Variants in PCDHGB6 observed in about 807,000 individuals in gnomAD.
PCDHGB6 encodes protocadherin gamma-B6.
In PCDHGB6, 51 loss-of-function variants were observed where a neutral mutation model predicts 59.1. The observed-to-expected ratio is 0.86, with a 90% CI of 0.69 to 1.09. PCDHGB6 has a LOEUF of 1.09. Among genes scored for constraint, PCDHGB6 ranks in the 50% least tolerant of loss-of-function variants. The probability of loss-of-function intolerance (pLI) is 0.00; values close to 1 mark genes in which losing one functional copy is unlikely to be tolerated. For missense variants in PCDHGB6, 1,148 were observed against 1,205.1 expected (o/e 0.95, Z 0.70); for synonymous variants, 466 against 495.1 (o/e 0.94, Z 0.78).
chr5:141,510,944 C>T lies in PCDHGB6; in HGVS notation c.2567-3C>T, dbSNP rs772921698. 2 of 1,614,120 alleles carry T rather than the reference C, an allele frequency of 1.2e-6. No individual in the cohort carries two copies. Among genetic ancestry groups the T allele is most frequent in the South Asian group, 2.2e-5 (2 of 91,080 alleles). On this transcript the variant is annotated splice_region_variant and splice_polypyrimidine_tract_variant and intron_variant, in intron 3 of 3. Transcript: ENST00000520790. Reference sequence around the variant, plus strand: ...CCCACCTGATCTTCCTCTGTCTCTGCAGAAGCTGCTGATGGGAGCTCCACC... The same window carrying T: ...CCCACCTGATCTTCCTCTGTCTCTGTAGAAGCTGCTGATGGGAGCTCCACC...
chr5:141,431,709 T>C lies in PCDHGB6; in HGVS notation c.2418+21089T>C. On this transcript the variant is annotated intron_variant, in intron 1 of 3. Coordinates refer to ENST00000520790, the MANE Select transcript of PCDHGB6 (RefSeq NM_018926.3). This position sits in a 1 kb window ranked among gnomAD's most constrained non-coding sequence, Gnocchi z 4.8. ...CACGAGGAGTCAGGATTCTACCAGA[T>C]GGAAGTGCAAGCAATGGATAATGCA... The C allele has an allele frequency of 6.2e-7, 1 of 1,614,168 alleles. No individual in the cohort carries two copies. Among genetic ancestry groups the C allele is most frequent in the Non-Finnish European group, 8.5e-7 (1 of 1,180,018 alleles).
chr5:141,463,125 G>A (rs2099053159), intron 1 of PCDHGB6, among the ~76,000 whole-genome samples: 3 of 152,192 alleles, frequency 2.0e-5, no homozygotes, highest in East Asian at 1.9e-4. Context: ...ATAGCTCCCT[G>A]GCAGTTCTTC....
At chr5:141,423,084 G>C (rs1427825232) in intron 1 of PCDHGB6, 2 of 1,613,942 alleles carry the variant, frequency 1.2e-6, no homozygotes, top group Non-Finnish European at 1.7e-6. Flanking sequence ...GACTCTTCGC[G>C]GTGGGGGAGC....
chr5:141,444,965 A>C (rs561160996), intron 1 of PCDHGB6, among the ~76,000 whole-genome samples: 18 of 152,234 alleles, frequency 1.2e-4, no homozygotes, highest in South Asian at 6.2e-4. Context: ...CAATATTGAC[A>C]CTTCAAATCC....
rs779871354 is a variant in PCDHGB6 at position 141,428,131 on chromosome 5, G to A, written c.2418+17511G>A. 8.7e-6 allele frequency: 14 copies of A among 1,602,720 alleles called. No homozygotes were observed. The South Asian group carries it at 1.5e-4, about 18-fold the overall frequency. On this transcript the variant is annotated intron_variant, in intron 1 of 3. Transcript: ENST00000520790. ...CAGGCCATCGAGCCCGGGCTTTTCA[G>A]CCTGGGGCTGCACACGGGAACCTGC...
At chr5:141,505,552 T>C (rs920594597) in intron 3 of PCDHGB6, 71 bp downstream of exon 3, 8 of 1,608,230 alleles carry the variant, frequency 5.0e-6, no homozygotes, top group Non-Finnish European at 6.8e-6. Context: ...ACAGCCACCA[T>C]GCCCACGGAC....
At chr5:141,449,202 C>T (rs77980623) in intron 1 of PCDHGB6, among the ~76,000 whole-genome samples, 7,411 of 152,148 alleles carry the variant, frequency 0.049, 284 homozygotes, top group African/African-American at 0.1. Context: ...AGTGTTAATT[C>T]TAACTTTCTG....
rs1562137828 is a variant in PCDHGB6 at position 141,490,359 on chromosome 5, T to C, written c.2419-4448T>C. On this transcript the variant is annotated intron_variant, in intron 1 of 3. Transcript: ENST00000520790. This position sits in a 1 kb window ranked among gnomAD's most constrained non-coding sequence, Gnocchi z 5.4. ...TGGGCACAGTAGTGGGGTTGTTTAA[T>C]GTGCGAGACCGGGACTCAGGTAGAA... The C allele has an allele frequency of 1.9e-6, 3 of 1,614,212 alleles. No individual in the cohort carries two copies. The highest frequency in any genetic ancestry group is 2.5e-6 in the Non-Finnish European group (3 of 1,180,036).
intron 1 of PCDHGB6, chr5:141,414,951 G>A (rs1411406878): frequency 5.6e-6 from 9 of 1,614,092 alleles, no homozygotes; most frequent in Non-Finnish European, 7.6e-6. Flanking sequence ...GCTACCTGGT[G>A]ACCAAGGTGG....
At position 141,511,424 on chromosome 5, in the gene PCDHGB6, G is replaced by A. The variant is rs939906846; in HGVS notation, c.*251G>A. 10 of 810,392 alleles carry A rather than the reference G, an allele frequency of 1.2e-5. No homozygotes were observed. Among genetic ancestry groups the A allele is most frequent in the East Asian group, 3.0e-5 (1 of 33,800 alleles). The allele number at this position is 810,392 out of a possible 1,614,324, so 50.2% of individuals were successfully genotyped here. On this transcript the variant is annotated 3_prime_UTR_variant, in exon 4 of 4. Transcript: ENST00000520790. The stretch of plus-strand genomic sequence containing the variant: ...ATCAACTGCTGTACCCATGGGGGTA[G>A]TGGGGTTACTGTAGACACCAAGAAC...
Position 141,408,588 on chromosome 5 carries a change from A to G in PCDHGB6, c.386A>G (p.His129Arg). 1 of 1,614,042 alleles carries G rather than the reference A, an allele frequency of 6.2e-7. No homozygotes were observed. The highest frequency in any genetic ancestry group is 8.5e-7 in the Non-Finnish European group (1 of 1,179,896). ...GTGGTGATTGAGGATGTTAATGACC[A>G]CGCCCCTCAATTTGATAAAAAGGAA... ...VIVVIEDVND[H>R]APQFDKKEIH... Residue 129 changes from histidine (H) to arginine (R), a missense_variant, in exon 1 of 4, where the codon CAC becomes CGC. Coordinates refer to ENST00000520790, the MANE Select transcript of PCDHGB6 (RefSeq NM_018926.3).
rs1333951046 is a variant in PCDHGB6, at chr5:141,485,847, C to T, written c.2419-8960C>T. 10 of 1,614,092 alleles carry T rather than the reference C, an allele frequency of 6.2e-6. No individual in the cohort carries two copies. In the African/African-American group the frequency reaches 8.0e-5, roughly 13 times the overall value. On this transcript the variant is annotated intron_variant, in intron 1 of 3. Transcript: ENST00000520790. This position sits in a 1 kb window ranked among gnomAD's most constrained non-coding sequence, Gnocchi z 5.7. ...GGAGGGAACCCGCCGAGATCTGGCA[C>T]CGCAGAGCTCCGGGTATCCGTGCTG...
At position 141,477,550 on chromosome 5, in the gene PCDHGB6, C is replaced by T. The variant is rs1262360790; in HGVS notation, c.2419-17257C>T. The T allele has an allele frequency of 4.3e-6, 7 of 1,614,178 alleles. No homozygotes were observed. The highest frequency in any genetic ancestry group is 5.9e-6 in the Non-Finnish European group (7 of 1,180,036). On this transcript the variant is annotated intron_variant, in intron 1 of 3. Transcript: ENST00000520790. This position sits in a 1 kb window ranked among gnomAD's most constrained non-coding sequence, Gnocchi z 4.9. ...ACCTCCCCGGGGCTCCAATACTAAACCTAAGTGTCTGGGACCCCGACGCCC... is the reference window on the plus strand; with the variant it reads ...ACCTCCCCGGGGCTCCAATACTAAATCTAAGTGTCTGGGACCCCGACGCCC...
chr5:141,432,863 T>C lies in PCDHGB6; in HGVS notation c.2418+22243T>C, dbSNP rs762979829. On this transcript the variant is annotated intron_variant, in intron 1 of 3. Coordinates refer to ENST00000520790, the MANE Select transcript of PCDHGB6 (RefSeq NM_018926.3). This position sits in a 1 kb window ranked among gnomAD's most constrained non-coding sequence, Gnocchi z 6.0. ...GGTGGTAGCGGTGGCCGCGGTCTCCTGCGTCTTCCTGGCCTTCGTCATCTT... is the reference window on the plus strand; with the variant it reads ...GGTGGTAGCGGTGGCCGCGGTCTCCCGCGTCTTCCTGGCCTTCGTCATCTT... 20 of 1,614,192 alleles carry C rather than the reference T, an allele frequency of 1.2e-5. No individual in the cohort carries two copies. Among genetic ancestry groups the C allele is most frequent in the Admixed American group, 6.7e-5 (4 of 60,032 alleles).
chr5:141,428,731 A>G (rs1290064919), intron 1 of PCDHGB6: 1 of 159,494 alleles, frequency 6.3e-6, no homozygotes, highest in Non-Finnish European at 1.4e-5. Context: ...TCTTAAACAT[A>G]TTATATCTAC....
At chr5:141,484,863 G>T (rs561595169) in intron 1 of PCDHGB6, 136 of 273,782 alleles carry the variant, frequency 5.0e-4, no homozygotes, top group African/African-American at 2.8e-3. Context: ...GGGGGTGGGG[G>T]AGCGTGGAGG....
Position 141,408,922 on chromosome 5 carries a change from G to A in PCDHGB6, c.720G>A (p.Pro240=), listed in dbSNP as rs762449366. ...ISVKDTNDNP[P]VFSRDEYRIS... ...TCAAGGATACCAATGATAACCCCCC[G>A]GTTTTCAGCAGAGACGAATATAGAA... Residue 240 remains proline, a synonymous_variant, in exon 1 of 4, where the codon CCG becomes CCA. Coordinates refer to ENST00000520790, the MANE Select transcript of PCDHGB6 (RefSeq NM_018926.3). 3.7e-6 allele frequency: 6 copies of A among 1,613,104 alleles called. No homozygotes were observed. In the Admixed American group the frequency reaches 8.3e-5, roughly 22 times the overall value.
Position 141,410,636 on chromosome 5 carries a change from T to G in PCDHGB6, c.2418+16T>G, listed in dbSNP as rs1050547360. The G allele has an allele frequency of 6.3e-7, 1 of 1,599,982 alleles. No homozygotes were observed. The highest frequency in any genetic ancestry group is 1.7e-5 in the Admixed American group (1 of 59,508). On this transcript the variant is annotated intron_variant, in intron 1 of 3. Coordinates refer to ENST00000520790, the MANE Select transcript of PCDHGB6 (RefSeq NM_018926.3). Reference sequence around the variant, plus strand: ...TCTGACTTCGGTGAGTTTCTCTTTTTTGTGTGTGATTTATCTAATAGTCTA... The same window carrying G: ...TCTGACTTCGGTGAGTTTCTCTTTTGTGTGTGTGATTTATCTAATAGTCTA...
chr5:141,465,918 C>T lies in PCDHGB6; in HGVS notation c.2419-28889C>T, dbSNP rs34980831. On this transcript the variant is annotated intron_variant, in intron 1 of 3. Transcript: ENST00000520790. ...CGGGCAAATCACGAGGTCAGGATTT[C>T]GAGTCCATCCTGGCTAACATGGTGA... 2.0e-3 allele frequency among the ~76,000 whole-genome samples: 307 copies of T among 152,144 alleles called. 1 individual carries two copies. Among genetic ancestry groups the T allele is most frequent in the Middle Eastern group, 0.01 (3 of 294 alleles).
Sources: allele counts gnomAD v4.1 joint callset (sites outside exome capture counted in the v4.1 genomes callset), GRCh38; gene constraint gnomAD v4.1.1; non-coding constraint Gnocchi (gnomAD v3.1); transcripts MANE v1.5; gene names NCBI Gene and HGNC (gene_info 2026-07-23, HGNC 2026-07-21).